The following REC114 variants were observed in gnomAD, a reference collection of about 807,000 sequenced individuals.
The protein encoded by REC114 is REC114 meiotic recombination protein, also known as meiotic recombination protein REC114.
In REC114, 27 loss-of-function variants were observed where a neutral mutation model predicts 31.3. The ratio of observed to expected loss-of-function variants is 0.86; its 90% CI spans 0.64 to 1.19. The LOEUF (loss-of-function observed/expected upper bound fraction) is 1.19, where lower values mean the gene tolerates loss of function less well. Among genes scored for constraint, REC114 ranks in the 50% most tolerant of loss-of-function variants. The pLI is 0.00. For missense variants in REC114, 344 were observed against 326.9 expected, an observed-to-expected ratio of 1.05 and a Z score of -0.40; for synonymous variants, 134 against 127.7, an observed-to-expected ratio of 1.05 and a Z score of -0.33.
chr15:73,460,640 A>T (rs905443858), intron 1 of REC114, among the ~76,000 whole-genome samples: 9 of 152,142 alleles, frequency 5.9e-5, no homozygotes, highest in African/African-American at 2.2e-4. Context: ...GCAGAGACCT[A>T]GGATAGGTTT....
intron 2 of REC114, among the ~76,000 whole-genome samples, chr15:73,500,418 C>T (rs1476020917): frequency 2.7e-5 from 4 of 150,546 alleles, no homozygotes; most frequent in Non-Finnish European, 5.9e-5. Flanking sequence ...GTTATGTATG[C>T]ACATGTGCAT....
intron 2 of REC114, among the ~76,000 whole-genome samples, chr15:73,492,552 CA>C (rs1202837930): frequency 6.6e-6 from 1 of 152,138 alleles, no homozygotes; most frequent in African/African-American, 2.4e-5. Flanking sequence ...CATTAACATG[CA>C]TATGAATTAT....
At position 73,559,796 on chromosome 15, in the gene REC114, T is replaced by C. The variant is rs1350892582; in HGVS notation, c.681T>C (p.Ser227=). The change falls in exon 6 of 6, where the codon TCT becomes TCC. Residue 227 remains serine (S), a synonymous_variant. Coordinates refer to ENST00000331090, the MANE Select transcript of REC114 (RefSeq NM_001042367.2). The part of the protein sequence containing the change: ...SEELPHVYEQ[S]AWGAEELGPF... ...AGCTGCCCCATGTCTATGAACAATC[T>C]GCATGGGGTGCAGAAGAGTTAGGCC... is the stretch of plus-strand genomic sequence containing the variant. 1 of 1,610,264 alleles carries C rather than the reference T, an allele frequency of 6.2e-7. No homozygotes were observed. Among genetic ancestry groups the C allele is most frequent in the Non-Finnish European group, 8.5e-7 (1 of 1,178,798 alleles).
chr15:73,549,202 GTTAC>G (rs1487611186), intron 3 of REC114, among the ~76,000 whole-genome samples: 2 of 152,128 alleles, frequency 1.3e-5, no homozygotes, highest in Non-Finnish European at 2.9e-5. Flanking sequence ...ATGAGATCTT[GTTAC>G]TTACAACAAC....
intron 1 of REC114, among the ~76,000 whole-genome samples, chr15:73,472,748 G>A (rs748658144): frequency 6.6e-6 from 1 of 151,962 alleles, no homozygotes; most frequent in Non-Finnish European, 1.5e-5. Context: ...AATTTCTTCG[G>A]TTCCTCACTA....
At chr15:73,454,114 T>C (rs1409787834) in intron 1 of REC114, among the ~76,000 whole-genome samples, 1 of 151,594 alleles carries the variant, frequency 6.6e-6, no homozygotes, top group Non-Finnish European at 1.5e-5. Context: ...ACTTAAAGTA[T>C]AATAAAGAAA....
In REC114 at chr15:73,501,984, G is replaced by A. The variant is rs567216025; in HGVS notation, c.249+28063G>A. 7.2e-5 allele frequency among the ~76,000 whole-genome samples: 11 copies of A among 152,130 alleles called. No homozygotes were observed. In the South Asian group the frequency reaches 1.5e-3, roughly 20 times the overall value. ...TCAGTATTTAAGAGAGTTGCATTGTGGAAAATGCAACTCAAAGAGTTATGA... is the reference window on the plus strand; with the variant it reads ...TCAGTATTTAAGAGAGTTGCATTGTAGAAAATGCAACTCAAAGAGTTATGA... On this transcript the variant is annotated intron_variant, in intron 2 of 5. Coordinates refer to ENST00000331090, the MANE Select transcript of REC114 (RefSeq NM_001042367.2).
chr15:73,503,867 T>C lies in REC114; in HGVS notation c.249+29946T>C, dbSNP rs559679272. Among the ~76,000 whole-genome samples, 10 of 152,250 alleles carry C rather than the reference T, an allele frequency of 6.6e-5. No individual in the cohort carries two copies. The East Asian group carries it at 1.9e-3, about 29-fold the overall frequency. ...AATTACACAGGTTGTAAATCTTTTT[T>C]CCCAGTCTGTTATTGGCTTTTCAAT... On this transcript the variant is annotated intron_variant, in intron 2 of 5. Transcript: ENST00000331090.
At chr15:73,474,353 A>G (rs1310161488) in intron 2 of REC114, among the ~76,000 whole-genome samples, 2 of 152,218 alleles carry the variant, frequency 1.3e-5, no homozygotes, top group Admixed American at 6.5e-5. Flanking sequence ...ATGGTGATAC[A>G]TGTGTTCTTT....
chr15:73,536,785 A>G (rs1894162156), intron 2 of REC114, among the ~76,000 whole-genome samples: 1 of 152,238 alleles, frequency 6.6e-6, no homozygotes, highest in African/African-American at 2.4e-5. Flanking sequence ...GTTCTATATC[A>G]TTGGATAGGT....
intron 2 of REC114, among the ~76,000 whole-genome samples, chr15:73,515,442 A>G (rs1459703655): frequency 6.6e-6 from 1 of 152,084 alleles, no homozygotes; most frequent in Admixed American, 6.5e-5. Flanking sequence ...ACAAATTTTC[A>G]AGGTATTTTG....
intron 5 of REC114, among the ~76,000 whole-genome samples, chr15:73,557,109 C>T (rs918783572): frequency 6.6e-6 from 1 of 151,304 alleles, no homozygotes; most frequent in Non-Finnish European, 1.5e-5. Context: ...CCTCAGCACC[C>T]AGCAGGCTGG....
rs142645036 is a variant in REC114, at chr15:73,497,744, G to A, written c.249+23823G>A. Among the ~76,000 whole-genome samples, 1,140 of 152,172 alleles carry A rather than the reference G, an allele frequency of 7.5e-3. 7 individuals carry two copies. The highest frequency in any genetic ancestry group is 0.011 in the Non-Finnish European group (755 of 67,980). On this transcript the variant is annotated intron_variant, in intron 2 of 5. Coordinates refer to ENST00000331090, the MANE Select transcript of REC114 (RefSeq NM_001042367.2). ...TTCAGAGAACAGGGGCTCTTTTCAG[G>A]GGCTGACTTAAGAATTAATTCTTTT...
At chr15:73,527,422 C>G (rs927568336) in intron 2 of REC114, among the ~76,000 whole-genome samples, 1 of 152,170 alleles carries the variant, frequency 6.6e-6, no homozygotes, top group Non-Finnish European at 1.5e-5. Context: ...TACCTGACCT[C>G]CCATCTCTTT....
intron 5 of REC114, among the ~76,000 whole-genome samples, chr15:73,558,060 T>C (rs7172407): frequency 0.56 from 85,669 of 151,960 alleles, 24,428 homozygotes; most frequent in East Asian, 0.68. Flanking sequence ...GGATGTAGGC[T>C]GCACATGGTG....
chr15:73,555,803 T>C (rs1234677319), intron 4 of REC114, among the ~76,000 whole-genome samples: 1 of 152,310 alleles, frequency 6.6e-6, no homozygotes, highest in East Asian at 1.9e-4. Context: ...AAAAAATCAT[T>C]TTATTGAAAA....
At chr15:73,484,793 A>G (rs1414771590) in intron 2 of REC114, among the ~76,000 whole-genome samples, 1 of 152,176 alleles carries the variant, frequency 6.6e-6, no homozygotes, top group Non-Finnish European at 1.5e-5. Flanking sequence ...AGACAATTTT[A>G]ATTCTGTTTG....
intron 1 of REC114, among the ~76,000 whole-genome samples, chr15:73,466,626 T>C (rs1031203550): frequency 6.6e-5 from 10 of 152,198 alleles, no homozygotes; most frequent in African/African-American, 1.4e-4. Flanking sequence ...ATTAATAAAA[T>C]TGTTGATATG....
At position 73,452,971 on chromosome 15, in the gene REC114, C is replaced by T. The variant is rs566496160; in HGVS notation, c.159+9627C>T. On this transcript the variant is annotated intron_variant, in intron 1 of 5. Coordinates refer to ENST00000331090, the MANE Select transcript of REC114 (RefSeq NM_001042367.2). Reference sequence around the variant, plus strand: ...CTGGATCCCTTCCTTACATCTTATACAAAAATCAACTCAAGATGGATTAAA... The same window carrying T: ...CTGGATCCCTTCCTTACATCTTATATAAAAATCAACTCAAGATGGATTAAA... Among the ~76,000 whole-genome samples, 421 of 152,224 alleles carry T rather than the reference C, an allele frequency of 2.8e-3. 3 individuals carry two copies. Among genetic ancestry groups the T allele is most frequent in the African/African-American group, 9.6e-3 (397 of 41,528 alleles).
Sources: allele counts gnomAD v4.1 joint callset (sites outside exome capture counted in the v4.1 genomes callset), GRCh38; gene constraint gnomAD v4.1.1; transcripts MANE v1.5; gene names NCBI Gene and HGNC (gene_info 2026-07-23, HGNC 2026-07-21).